The following SHANK2 variants were observed in gnomAD, a reference collection of about 807,000 sequenced individuals.
SHANK2 encodes SH3 and multiple ankyrin repeat domains protein 2.
In SHANK2, 43 loss-of-function variants were observed where a neutral mutation model predicts 133.7. That is an observed-to-expected ratio of 0.32 (90% CI 0.25 to 0.41). The LOEUF is 0.41. Ranked by LOEUF, SHANK2 falls within the 10% of genes least tolerant of loss-of-function variation. The pLI is 1.00. For synonymous variants in SHANK2, 1,017 were observed against 952.8 expected (o/e 1.07, Z -1.24); for missense variants, 1,994 against 2,235.8 (o/e 0.89, Z 2.18).
intron 2 of SHANK2, among the ~76,000 whole-genome samples, chr11:71,179,565 G>A (rs1436814118): frequency 4.6e-5 from 7 of 152,106 alleles, no homozygotes; most frequent in African/African-American, 1.2e-4. Context: ...AGGCTGAGGC[G>A]TCCACTTTCA....
chr11:71,128,434 A>G (rs1369537731), intron 3 of SHANK2, among the ~76,000 whole-genome samples: 4 of 152,140 alleles, frequency 2.6e-5, no homozygotes, highest in Non-Finnish European at 5.9e-5. Context: ...CCAGAAAGGC[A>G]GTACATACAG....
At chr11:70,733,847 C>T (rs564237559) in intron 14 of SHANK2, among the ~76,000 whole-genome samples, 1 of 152,288 alleles carries the variant, frequency 6.6e-6, no homozygotes, top group Non-Finnish European at 1.5e-5. Flanking sequence ...GCACAGGGAA[C>T]GGTGAGGACA....
chr11:71,224,020 T>C (rs1217015721), intron 2 of SHANK2, among the ~76,000 whole-genome samples: 1 of 152,220 alleles, frequency 6.6e-6, no homozygotes, highest in Non-Finnish European at 1.5e-5. Context: ...AGGAGCCCAG[T>C]GTGTGGTCAA....
chr11:70,772,114 G>C (rs1215473578), intron 14 of SHANK2, among the ~76,000 whole-genome samples: 4 of 152,066 alleles, frequency 2.6e-5, no homozygotes, highest in African/African-American at 9.7e-5. Context: ...CACAAGCATG[G>C]GGCCCGTGTA....
intron 15 of SHANK2, chr11:70,698,179 T>A (rs186811353): frequency 5.7e-6 from 1 of 176,940 alleles, no homozygotes; most frequent in East Asian, 1.5e-4. Context: ...TTTCCACACA[T>A]CAGACGAACT....
At chr11:71,163,093 A>AAAATATATATAT in intron 2 of SHANK2, among the ~76,000 whole-genome samples, 1 of 84,678 alleles carries the variant, frequency 1.2e-5, no homozygotes, top group African/African-American at 4.6e-5. Flanking sequence ...AAAAAAAAAA[A>AAAATATATATAT]ATACATATAT....
At chr11:70,581,206 T>C (rs1287960746) in intron 17 of SHANK2, among the ~76,000 whole-genome samples, 8 of 152,232 alleles carry the variant, frequency 5.3e-5, no homozygotes, top group African/African-American at 1.9e-4. Context: ...AGAAAAGCTC[T>C]TGTAGTCACT....
chr11:70,576,303 A>G (rs2060115247), intron 17 of SHANK2, among the ~76,000 whole-genome samples: 4 of 152,208 alleles, frequency 2.6e-5, no homozygotes, highest in Admixed American at 2.6e-4. Flanking sequence ...GGCAGACCCC[A>G]TGCACCTCCT....
chr11:70,613,424 C>T (rs1171798942), intron 17 of SHANK2, among the ~76,000 whole-genome samples: 3 of 152,196 alleles, frequency 2.0e-5, no homozygotes, highest in East Asian at 1.9e-4. Context: ...AGGATGGTCT[C>T]GATCTCCTGA....
chr11:71,253,089 G>GC (rs1184832614), upstream of SHANK2, among the ~76,000 whole-genome samples: 1 of 152,178 alleles, frequency 6.6e-6, no homozygotes, highest in Non-Finnish European at 1.5e-5. Context: ...GGCGCCTTCC[G>GC]CCCAGGGGTG....
intron 3 of SHANK2, among the ~76,000 whole-genome samples, chr11:71,126,187 C>G (rs1436912634): frequency 8.8e-6 from 1 of 113,998 alleles, no homozygotes; most frequent in East Asian, 3.1e-4. Flanking sequence ...CACTGCACTC[C>G]AGCCTGGTGA....
chr11:71,231,030 T>C (rs1486989660), intron 1 of SHANK2, among the ~76,000 whole-genome samples: 2 of 152,168 alleles, frequency 1.3e-5, no homozygotes, highest in Non-Finnish European at 2.9e-5. Context: ...AGACCCAATG[T>C]AAAAAGCACA....
intron 15 of SHANK2, among the ~76,000 whole-genome samples, chr11:70,688,818 C>A (rs1024890218): frequency 1.3e-5 from 2 of 152,176 alleles, no homozygotes; most frequent in African/African-American, 4.8e-5. Context: ...AGGGACACTG[C>A]GCTCCTGGGA....
chr11:71,136,419 A>G (rs369293791), intron 3 of SHANK2, among the ~76,000 whole-genome samples: 2 of 152,234 alleles, frequency 1.3e-5, no homozygotes. Context: ...GTTCTCACTT[A>G]TAAGTGGAAG....
intron 14 of SHANK2, among the ~76,000 whole-genome samples, chr11:70,731,500 C>T (rs573726720): frequency 2.9e-4 from 44 of 152,340 alleles, no homozygotes; most frequent in Admixed American, 1.6e-3. Flanking sequence ...TGGAATCACA[C>T]AGTACACAAT....
intron 10 of SHANK2, among the ~76,000 whole-genome samples, chr11:70,947,249 GCATTCTGGACTAAGAACC>G (rs772350977): frequency 5.9e-4 from 89 of 151,536 alleles, no homozygotes; most frequent in Non-Finnish European, 1.2e-3. Flanking sequence ...AACAAGGCCA[GCATTCTGGACTAAGAACC>G]CATCAACTTC....
chr11:70,698,294 G>A (rs986652437), intron 15 of SHANK2: 14 of 240,028 alleles, frequency 5.8e-5, no homozygotes, highest in Non-Finnish European at 2.5e-5. Flanking sequence ...ATGAGAACCC[G>A]AGGACCACAG....
intron 14 of SHANK2, among the ~76,000 whole-genome samples, chr11:70,753,452 T>C (rs1946798796): frequency 1.3e-5 from 2 of 151,266 alleles, no homozygotes; most frequent in Non-Finnish European, 2.9e-5. Context: ...AAGAACAAAA[T>C]CAACTCAAAG....
intron 17 of SHANK2, among the ~76,000 whole-genome samples, chr11:70,575,670 G>A (rs980309185): frequency 1.3e-5 from 2 of 150,634 alleles, no homozygotes; most frequent in South Asian, 2.2e-4. Flanking sequence ...ATGTGTGAGC[G>A]CTTTACAGAC....
Sources: allele counts gnomAD v4.1 joint callset (sites outside exome capture counted in the v4.1 genomes callset), GRCh38; gene constraint gnomAD v4.1.1; transcripts MANE v1.5; gene names NCBI Gene and HGNC (gene_info 2026-07-23, HGNC 2026-07-21).